FUBP1: variants seen among roughly 807,000 people sequenced by gnomAD.
The protein encoded by FUBP1 is far upstream element binding protein 1.
A neutral mutation model predicts 94.9 loss-of-function variants in FUBP1; 16 were observed. The ratio of observed to expected loss-of-function variants is 0.17; its 90% CI spans 0.11 to 0.26. The LOEUF is 0.26. FUBP1 is among the 10% of genes least tolerant of loss of function. The pLI, the probability that FUBP1 is intolerant of heterozygous loss-of-function variation, is 1.00. For missense variants in FUBP1, 583 were observed against 808.6 expected, an observed-to-expected ratio of 0.72 and a Z score of 3.38; for synonymous variants, 279 against 254.9, an observed-to-expected ratio of 1.09 and a Z score of -0.90.
At position 77,955,328 on chromosome 1, in the gene FUBP1, T is replaced by C; in HGVS notation, c.1707A>G (p.Gly569=). 6.4e-7 allele frequency: 1 copy of C among 1,568,754 alleles called. No individual in the cohort carries two copies. Among genetic ancestry groups the C allele is most frequent in the Non-Finnish European group, 8.8e-7 (1 of 1,139,396 alleles). ...APTTTQTNGQ[G]DQQNPAPAGQ... is the part of the protein sequence containing the mutation. The stretch of plus-strand genomic sequence containing the variant: ...CAGCTGGGGCTGGATTCTGCTGATC[T>C]CCTTGTTCAAGCAAAACAAAACAAA... Residue 569 remains glycine (G), a splice_region_variant and synonymous_variant, in exon 18 of 20, where the codon GGA becomes GGG. Transcript: ENST00000370768.
intron 18 of FUBP1, among the ~76,000 whole-genome samples, chr1:77,954,809 G>A (rs1301397277): frequency 6.6e-6 from 1 of 152,166 alleles, no homozygotes; most frequent in Non-Finnish European, 1.5e-5. Flanking sequence ...ACAAATTTGG[G>A]AGACAAGCTT....
chr1:77,979,101 A>C, upstream of FUBP1: 1 of 1,234,476 alleles, frequency 8.1e-7, no homozygotes, highest in Non-Finnish European at 1.1e-6. Flanking sequence ...GCTCTATTAC[A>C]TTCTTGCGCG....
At chr1:77,965,801 G>C (rs1002569656) in intron 7 of FUBP1, among the ~76,000 whole-genome samples, 3 of 152,084 alleles carry the variant, frequency 2.0e-5, no homozygotes, top group Non-Finnish European at 2.9e-5. Flanking sequence ...GTAATCCCAG[G>C]ACTTTGGGAG....
Position 77,969,934 on chromosome 1 carries a change from C to A in FUBP1, c.202G>T (p.Glu68Ter). The change falls in exon 2 of 20, where the codon GAA becomes TAA. Residue 68 changes from glutamate to a stop codon, truncating the protein, a stop_gained. Coordinates refer to ENST00000370768, the MANE Select transcript of FUBP1 (RefSeq NM_003902.5). LOFTEE classifies it high-confidence loss of function. ...TTAGAGTATAACTTACCTCCATCTT[C>A]TAAAGGTCTTTTTTGTCCCCCATAA... ...YGYGGQKRPL[E>*]DGDQPDAKKV... The A allele has an allele frequency of 6.7e-7, 1 of 1,501,982 alleles. No homozygotes were observed. Among genetic ancestry groups the A allele is most frequent in the Admixed American group, 1.7e-5 (1 of 57,942 alleles). 93.0% of individuals were successfully genotyped at this position (1,501,982 alleles called of 1,614,324 possible). A position where few individuals can be genotyped will look rare whatever the true frequency, so the allele number is the denominator to read the frequency against.
intron 12 of FUBP1, 54 bp downstream of exon 12, chr1:77,964,008 G>A (rs1656018875): frequency 9.4e-7 from 1 of 1,064,632 alleles, no homozygotes; most frequent in Non-Finnish European, 1.5e-6. Context: ...ATTTCATGAA[G>A]GAAAATACTT....
intron 16 of FUBP1, among the ~76,000 whole-genome samples, chr1:77,958,986 A>G (rs1306772664): frequency 6.6e-6 from 1 of 152,196 alleles, no homozygotes; most frequent in African/African-American, 2.4e-5. Context: ...TTGCTATAGA[A>G]CACAACCCCA....
At chr1:77,978,849 G>A (rs1659287379) in intron 1 of FUBP1, 36 bp downstream of exon 1, 4 of 1,613,046 alleles carry the variant, frequency 2.5e-6, no homozygotes, top group South Asian at 1.1e-5. Flanking sequence ...CAATTACCGT[G>A]AGCTTTCGGG....
chr1:77,968,970 G>C, intron 2 of FUBP1: 1 of 590,024 alleles, frequency 1.7e-6, no homozygotes, highest in African/African-American at 1.9e-5. Flanking sequence ...AGAATCCACT[G>C]GTTTATTTCA....
chr1:77,965,249 T>A lies in FUBP1; in HGVS notation c.474-18A>T, dbSNP rs1355003588. The A allele has an allele frequency of 6.4e-7, 1 of 1,566,644 alleles. No homozygotes were observed. The highest frequency in any genetic ancestry group is 8.8e-7 in the Non-Finnish European group (1 of 1,141,076). ...TTGCTGACCTGTTAACAAATTAATA[T>A]TTAAATAGTAAGCTGTAGCATACCC... On this transcript the variant is annotated intron_variant, in intron 7 of 19. Coordinates refer to ENST00000370768, the MANE Select transcript of FUBP1 (RefSeq NM_003902.5).
rs761333665 is a variant in FUBP1 at position 77,960,470 on chromosome 1, G to C, written c.1370C>G (p.Pro457Arg). 6.2e-7 allele frequency: 1 copy of C among 1,601,074 alleles called. No individual in the cohort carries two copies. Among genetic ancestry groups the C allele is most frequent in the Non-Finnish European group, 8.5e-7 (1 of 1,176,574 alleles). Residue 457 changes from proline (P) to arginine (R), a missense_variant, in exon 15 of 20, where the codon CCT becomes CGT. Coordinates refer to ENST00000370768, the MANE Select transcript of FUBP1 (RefSeq NM_003902.5). The stretch of plus-strand genomic sequence containing the variant: ...GACACCATGGGGCCCATGGGGTACA[G>C]GTGGCCCTAAAGGATTTACTGGGCC... ...IGGPVNPLGP[P>R]VPHGPHGVPG... is the part of the protein sequence containing the mutation.
intron 4 of FUBP1, among the ~76,000 whole-genome samples, chr1:77,967,350 T>C (rs533504000): frequency 2.0e-4 from 31 of 152,304 alleles, no homozygotes; most frequent in Middle Eastern, 6.8e-3. Flanking sequence ...TGTAAAGAAG[T>C]TGAAGTGGAG....
intron 2 of FUBP1, chr1:77,968,970 G>A: frequency 1.7e-6 from 1 of 590,024 alleles, no homozygotes; most frequent in Non-Finnish European, 2.9e-6. Flanking sequence ...AGAATCCACT[G>A]GTTTATTTCA....
chr1:77,964,389 T>C, intron 10 of FUBP1, 33 bp from the exon 11 acceptor site: 1 of 1,327,656 alleles, frequency 7.5e-7, no homozygotes, highest in Non-Finnish European at 1.1e-6. Flanking sequence ...TTAAGAAAGC[T>C]AGCTTCTCAG....
chr1:77,969,653 C>T (rs1657146857), intron 2 of FUBP1, among the ~76,000 whole-genome samples: 2 of 151,964 alleles, frequency 1.3e-5, no homozygotes, highest in South Asian at 4.1e-4. Flanking sequence ...TCTGTGCAAA[C>T]TTTCAATCTG....
chr1:77,970,024 A>G lies in FUBP1; in HGVS notation c.121-9T>C, dbSNP rs1429494354. On this transcript the variant is annotated splice_polypyrimidine_tract_variant and intron_variant, in intron 1 of 19. Coordinates refer to ENST00000370768, the MANE Select transcript of FUBP1 (RefSeq NM_003902.5). Reference sequence around the variant, plus strand: ...CCAATTTTTGCTGCAATCTAAAAAAAAAAAAGAAAAATACCATCATAAACT... The same window carrying G: ...CCAATTTTTGCTGCAATCTAAAAAAGAAAAAGAAAAATACCATCATAAACT... 4.7e-6 allele frequency: 7 copies of G among 1,475,118 alleles called. 1 individual carries two copies. The Admixed American group carries it at 5.6e-5, about 12-fold the overall frequency. The allele number at this position is 1,475,118 out of a possible 1,614,324, so 91.4% of individuals were successfully genotyped here. A position where few individuals can be genotyped will look rare whatever the true frequency, so the allele number is the denominator to read the frequency against.
At position 77,949,394 on chromosome 1, in the gene FUBP1, C is replaced by T. The variant is rs1334682855; in HGVS notation, c.1781-94G>A. The T allele has an allele frequency of 1.4e-5, 14 of 998,612 alleles. No individual in the cohort carries two copies. In the East Asian group the frequency reaches 3.5e-4, roughly 25 times the overall value. The allele number at this position is 998,612 out of a possible 1,614,324, so 61.9% of individuals were successfully genotyped here. A position where few individuals can be genotyped will look rare whatever the true frequency, so the allele number is the denominator to read the frequency against. ...CAATACCTTGCTTCTTGTAATATTT[C>T]TCCCAAGCCTTTGAATAATCTTGTG... is the stretch of plus-strand genomic sequence containing the variant. On this transcript the variant is annotated intron_variant, in intron 18 of 19. Transcript: ENST00000370768.
At chr1:77,962,487 C>T (rs1486773190) in intron 14 of FUBP1, among the ~76,000 whole-genome samples, 1 of 152,130 alleles carries the variant, frequency 6.6e-6, no homozygotes, top group Non-Finnish European at 1.5e-5. Context: ...GTATGTTCCA[C>T]AATCCTACAC....
chr1:77,968,564 C>T (rs111694274), intron 2 of FUBP1, among the ~76,000 whole-genome samples: 49 of 151,272 alleles, frequency 3.2e-4, no homozygotes, highest in Non-Finnish European at 6.5e-4. Context: ...GAACTGAAGA[C>T]TGGGGGGAGA....
rs1212107426 is a variant in FUBP1 at position 77,946,075 on chromosome 1, A to C, written c.*2691T>G. 6.6e-6 allele frequency among the ~76,000 whole-genome samples: 1 copy of C among 152,022 alleles called. No individual in the cohort carries two copies. The highest frequency in any genetic ancestry group is 1.5e-5 in the Non-Finnish European group (1 of 67,922). ...ATCCTTACTGAATTATTATAGTTTA[A>C]GAATAAGAAAAAAATAAAGAAATTA... is the stretch of plus-strand genomic sequence containing the variant. On this transcript the variant is annotated 3_prime_UTR_variant, in exon 20 of 20. Transcript: ENST00000370768.
Sources: gnomAD v4.1 joint callset for allele counts (sites outside exome capture counted in the v4.1 genomes callset) on GRCh38, gnomAD v4.1.1 for gene constraint, MANE v1.5 for transcripts, NCBI Gene and HGNC (gene_info 2026-07-23, HGNC 2026-07-21) for gene names.